TRERF1: variants seen among roughly 807,000 people sequenced by gnomAD.
TRERF1 encodes the protein transcriptional-regulating factor 1.
A neutral mutation model predicts 122.9 loss-of-function variants in TRERF1; 27 were observed. That is an observed-to-expected ratio of 0.22 (90% CI 0.16 to 0.30). The LOEUF (loss-of-function observed/expected upper bound fraction) is 0.30, where lower values mean the gene tolerates loss of function less well. TRERF1 is among the 10% of genes least tolerant of loss of function. The pLI is 1.00. For missense variants in TRERF1, 1,248 were observed against 1,560.3 expected, an observed-to-expected ratio of 0.80 and a Z score of 3.37; for synonymous variants, 636 against 641.7, an observed-to-expected ratio of 0.99 and a Z score of 0.13.
chr6:42,233,967 A>G (rs1405922452), intron 16 of TRERF1, among the ~76,000 whole-genome samples: 1 of 152,224 alleles, frequency 6.6e-6, no homozygotes, highest in Non-Finnish European at 1.5e-5. Context: ...AAATCCTGCC[A>G]TAAAGCTGGG....
chr6:42,367,612 T>C (rs1036789712), intron 2 of TRERF1, among the ~76,000 whole-genome samples: 2 of 152,118 alleles, frequency 1.3e-5, no homozygotes, highest in South Asian at 4.1e-4. Flanking sequence ...ACCCTTACCC[T>C]GGGCTTCTCC....
In TRERF1 at chr6:42,259,317, G is replaced by A. The variant is rs759930108; in HGVS notation, c.2269+22C>T. 2 of 1,489,332 alleles carry A rather than the reference G, an allele frequency of 1.3e-6. No homozygotes were observed. The highest frequency in any genetic ancestry group is 1.8e-6 in the Non-Finnish European group (2 of 1,128,688). 92.3% of individuals were successfully genotyped at this position (1,489,332 alleles called of 1,614,324 possible). Reference sequence around the variant, plus strand: ...TTTACCCAGCACCCAGAGCCCAGGAGGACGCTAAAGGGGTGACTCACTGGA... The same window carrying A: ...TTTACCCAGCACCCAGAGCCCAGGAAGACGCTAAAGGGGTGACTCACTGGA... On this transcript the variant is annotated intron_variant, in intron 9 of 17. Transcript: ENST00000372922. This position sits in a 1 kb window ranked among gnomAD's most constrained non-coding sequence, Gnocchi z 4.9.
Position 42,259,427 on chromosome 6 carries a change from G to A in TRERF1, c.2181C>T (p.Val727=). The change falls in exon 9 of 18, where the codon GTC becomes GTT. Residue 727 remains valine, a synonymous_variant. Transcript: ENST00000372922. This position sits in a 1 kb window ranked among gnomAD's most constrained non-coding sequence, Gnocchi z 4.9. ...CGCCAGGGCCGTGGCCGGAGATGAG[G>A]ACATTGCTGAAGAGCCCCGAGCCCT... 1 of 1,586,708 alleles carries A rather than the reference G, an allele frequency of 6.3e-7. No homozygotes were observed. Among genetic ancestry groups the A allele is most frequent in the Non-Finnish European group, 8.5e-7 (1 of 1,172,212 alleles).
In TRERF1 at chr6:42,259,746, A is replaced by C; in HGVS notation, c.1885-23T>G. 6.3e-7 allele frequency: 1 copy of C among 1,599,692 alleles called. No individual in the cohort carries two copies. Among genetic ancestry groups the C allele is most frequent in the Non-Finnish European group, 8.5e-7 (1 of 1,179,806 alleles). On this transcript the variant is annotated intron_variant, in intron 8 of 17. Transcript: ENST00000372922. This position sits in a 1 kb window ranked among gnomAD's most constrained non-coding sequence, Gnocchi z 4.9. ...TTCCTAAAACCGGAACAACGATCTG[A>C]TTCGAATACTTCAGCTTCCCCCGCA... is the stretch of plus-strand genomic sequence containing the variant.
intron 15 of TRERF1, among the ~76,000 whole-genome samples, chr6:42,242,357 C>T (rs1245309300): frequency 6.6e-6 from 1 of 151,712 alleles, no homozygotes; most frequent in Non-Finnish European, 1.5e-5. Context: ...ATGTGCTAAC[C>T]CTTACAACTG....
At chr6:42,299,094 A>ATCTATCTATCTATCTATCTATCTG (rs1323308910) in intron 4 of TRERF1, among the ~76,000 whole-genome samples, 101 of 143,144 alleles carry the variant, frequency 7.1e-4, no homozygotes, top group African/African-American at 2.4e-3. Flanking sequence ...CTATCTATCT[A>ATCTATCTATCTATCTATCTATCTG]TCTGTCTGTC....
chr6:42,308,357 C>T (rs867741109), intron 3 of TRERF1, among the ~76,000 whole-genome samples: 3 of 152,178 alleles, frequency 2.0e-5, no homozygotes, highest in African/African-American at 4.8e-5. Context: ...AAGTGAAAGA[C>T]GTCAAACACA....
At chr6:42,447,736 G>T (rs975674978) in intron 2 of TRERF1, among the ~76,000 whole-genome samples, 2 of 151,802 alleles carry the variant, frequency 1.3e-5, no homozygotes, top group Non-Finnish European at 2.9e-5. Context: ...ACAGAGTCTC[G>T]CTCTGTCACC....
At chr6:42,315,291 GAC>G (rs779463512) in intron 3 of TRERF1, among the ~76,000 whole-genome samples, 1 of 152,216 alleles carries the variant, frequency 6.6e-6, no homozygotes, top group Non-Finnish European at 1.5e-5. Context: ...TCCCTTTCAA[GAC>G]AGAATTCACT....
At chr6:42,322,412 G>A (rs1227974455) in intron 3 of TRERF1, among the ~76,000 whole-genome samples, 1 of 152,068 alleles carries the variant, frequency 6.6e-6, no homozygotes, top group Non-Finnish European at 1.5e-5. Flanking sequence ...GGGTTAGGAA[G>A]GGAAGGGGCC....
intron 2 of TRERF1, among the ~76,000 whole-genome samples, chr6:42,390,550 A>T (rs780125030): frequency 5.3e-5 from 8 of 152,144 alleles, no homozygotes; most frequent in Non-Finnish European, 1.2e-4. Context: ...TTTATTTTTG[A>T]AGCCTATGCG....
At chr6:42,291,317 G>T (rs1784282722) in intron 4 of TRERF1, among the ~76,000 whole-genome samples, 1 of 152,040 alleles carries the variant, frequency 6.6e-6, no homozygotes, top group South Asian at 2.1e-4. Context: ...TTTTTGAAGG[G>T]CCAAGGAGAG....
chr6:42,248,816 A>G (rs1775246714), intron 13 of TRERF1, among the ~76,000 whole-genome samples: 1 of 152,126 alleles, frequency 6.6e-6, no homozygotes, highest in Non-Finnish European at 1.5e-5. Context: ...TACTTGCCGG[A>G]GTGCATGTGA....
intron 2 of TRERF1, among the ~76,000 whole-genome samples, chr6:42,402,384 G>C (rs1779516475): frequency 6.6e-6 from 1 of 152,156 alleles, no homozygotes; most frequent in Non-Finnish European, 1.5e-5. Flanking sequence ...GCTGAAGTTT[G>C]TTCCATCCAC....
intron 2 of TRERF1, among the ~76,000 whole-genome samples, chr6:42,385,244 C>T (rs142387197): frequency 1.1e-4 from 16 of 152,180 alleles, no homozygotes; most frequent in Non-Finnish European, 1.8e-4. Context: ...CCCAAAGTAC[C>T]GAGATTACAG....
At chr6:42,281,070 G>A (rs1012254116) in intron 4 of TRERF1, among the ~76,000 whole-genome samples, 52 of 152,110 alleles carry the variant, frequency 3.4e-4, no homozygotes, top group African/African-American at 1.2e-3. Context: ...GAGGGGTCCT[G>A]CCCTTTCTGG....
At chr6:42,408,235 GTGTATGTATATATACATACACA>G (rs1405426577) in intron 2 of TRERF1, among the ~76,000 whole-genome samples, 22 of 104,008 alleles carry the variant, frequency 2.1e-4, no homozygotes, top group African/African-American at 4.2e-4. Context: ...ATATGTGTGT[GTGTATGTATATATACATACACA>G]TGTGTGTGTA....
rs1414825693 is a variant in TRERF1 at position 42,269,560 on chromosome 6, G to A, written c.31C>T (p.His11Tyr). ...AGGTTCTCACTACCATGGGCCACAT[G>A]GTTGGTCTTGTACAGTTGCTGGTCA... Residue 11 changes from histidine to tyrosine, a missense_variant, in exon 5 of 18, where the codon CAT becomes TAT. This residue lies in a region of TRERF1 where 946 missense variants were observed against 1,073.0 expected (regional missense o/e 0.88). Transcript: ENST00000372922. This position sits in a 1 kb window ranked among gnomAD's most constrained non-coding sequence, Gnocchi z 4.9. The A allele has an allele frequency of 6.2e-7, 1 of 1,614,220 alleles. No individual in the cohort carries two copies. The highest frequency in any genetic ancestry group is 2.2e-5 in the East Asian group (1 of 44,892).
At chr6:42,362,845 G>A (rs1273390462) in intron 3 of TRERF1, 152 bp downstream of exon 3, 2 of 153,772 alleles carry the variant, frequency 1.3e-5, no homozygotes, top group African/African-American at 4.8e-5. Flanking sequence ...CCATTTCCCA[G>A]AGAAAATTTT....
Sources: allele counts gnomAD v4.1 joint callset (sites outside exome capture counted in the v4.1 genomes callset), GRCh38; gene constraint gnomAD v4.1.1; regional missense constraint gnomAD v4.1.1; non-coding constraint Gnocchi (gnomAD v3.1); transcripts MANE v1.5; gene names NCBI Gene and HGNC (gene_info 2026-07-23, HGNC 2026-07-21).